The following MAPKAPK2 variants were observed in gnomAD, a reference collection of about 807,000 sequenced individuals.
MAPKAPK2 encodes MAPK activated protein kinase 2.
A neutral mutation model predicts 48.8 loss-of-function variants in MAPKAPK2; 9 were observed. The observed-to-expected ratio is 0.18, with a 90% confidence interval of 0.11 to 0.32. MAPKAPK2 has a LOEUF of 0.32. Ranked by LOEUF, MAPKAPK2 falls within the 10% of genes least tolerant of loss-of-function variation. The pLI, the probability that MAPKAPK2 is intolerant of heterozygous loss-of-function variation, is 1.00. For synonymous variants in MAPKAPK2, 202 were observed against 190.6 expected (o/e 1.06, Z -0.49); for missense variants, 331 against 498.3 (o/e 0.66, Z 3.20).
intron 1 of MAPKAPK2, among the ~76,000 whole-genome samples, chr1:206,713,777 A>G (rs549191052): frequency 6.6e-6 from 1 of 152,210 alleles, no homozygotes; most frequent in South Asian, 2.1e-4. Flanking sequence ...GAGGTGGGAG[A>G]ATTGCTTGAA....
At chr1:206,708,248 C>T (rs1673026464) in intron 1 of MAPKAPK2, among the ~76,000 whole-genome samples, 1 of 152,204 alleles carries the variant, frequency 6.6e-6, no homozygotes, top group Admixed American at 6.5e-5. Flanking sequence ...CCCTCTTCTT[C>T]CCCTTGCGCT....
At chr1:206,717,447 C>T (rs1206807827) in intron 1 of MAPKAPK2, among the ~76,000 whole-genome samples, 1 of 152,166 alleles carries the variant, frequency 6.6e-6, no homozygotes, top group Non-Finnish European at 1.5e-5. Context: ...AGTTTCCTAC[C>T]CAAGACTCCT....
At chr1:206,703,163 A>G (rs1024580042) in intron 1 of MAPKAPK2, among the ~76,000 whole-genome samples, 9 of 152,336 alleles carry the variant, frequency 5.9e-5, no homozygotes, top group Middle Eastern at 3.4e-3. Flanking sequence ...ATCAGCTCCA[A>G]TGAGAAAAGT....
chr1:206,691,482 G>GATATATAT (rs56752335), intron 1 of MAPKAPK2, among the ~76,000 whole-genome samples: 28,018 of 77,264 alleles, frequency 0.36, 6,531 homozygotes, highest in Middle Eastern at 0.62. Flanking sequence ...TGTATTTTAA[G>GATATATAT]ATATATATAT....
chr1:206,710,816 T>C (rs1673119778), intron 1 of MAPKAPK2, among the ~76,000 whole-genome samples: 1 of 152,238 alleles, frequency 6.6e-6, no homozygotes, highest in Admixed American at 6.5e-5. Flanking sequence ...TCATTCCATA[T>C]TGGATGTTAA....
chr1:206,709,473 C>G (rs781791504), intron 1 of MAPKAPK2, among the ~76,000 whole-genome samples: 1 of 152,174 alleles, frequency 6.6e-6, no homozygotes, highest in Non-Finnish European at 1.5e-5. Context: ...GAGCTAGGTA[C>G]TTGATCTGTG....
intron 1 of MAPKAPK2, among the ~76,000 whole-genome samples, chr1:206,694,125 C>T (rs2102377586): frequency 6.6e-6 from 1 of 152,366 alleles, no homozygotes; most frequent in African/African-American, 2.4e-5. Context: ...TTCTGTTCTT[C>T]AGCGTGGCGT....
chr1:206,713,535 G>C (rs1472168859), intron 1 of MAPKAPK2, among the ~76,000 whole-genome samples: 1 of 152,168 alleles, frequency 6.6e-6, no homozygotes, highest in African/African-American at 2.4e-5. Flanking sequence ...GATGTACTGG[G>C]ATGGAGTACG....
chr1:206,690,278 C>T (rs1672417234), intron 1 of MAPKAPK2, among the ~76,000 whole-genome samples: 1 of 152,220 alleles, frequency 6.6e-6, no homozygotes, highest in Non-Finnish European at 1.5e-5. Context: ...GACCCCAGCC[C>T]TGACCCCTGG....
At chr1:206,712,805 A>C (rs985914025) in intron 1 of MAPKAPK2, among the ~76,000 whole-genome samples, 13 of 151,994 alleles carry the variant, frequency 8.6e-5, no homozygotes, top group Non-Finnish European at 1.8e-4. Context: ...ATCTGTACTA[A>C]AAATATAAAA....
chr1:206,692,024 G>T (rs782603613), intron 1 of MAPKAPK2, among the ~76,000 whole-genome samples: 14 of 152,288 alleles, frequency 9.2e-5, no homozygotes, highest in Middle Eastern at 3.4e-3. Flanking sequence ...ATAGTGTAGT[G>T]GTGGTGCAAA....
chr1:206,705,701 A>G (rs1372941925), intron 1 of MAPKAPK2, among the ~76,000 whole-genome samples: 1 of 152,234 alleles, frequency 6.6e-6, no homozygotes, highest in Non-Finnish European at 1.5e-5. Flanking sequence ...TCCGTTACCC[A>G]GGGAGCTGAG....
intron 1 of MAPKAPK2, among the ~76,000 whole-genome samples, chr1:206,691,482 G>GATATATACATATAT (rs1553426252): frequency 2.6e-5 from 2 of 77,294 alleles, no homozygotes; most frequent in African/African-American, 8.9e-5. Context: ...TGTATTTTAA[G>GATATATACATATAT]ATATATATAT....
intron 1 of MAPKAPK2, among the ~76,000 whole-genome samples, chr1:206,722,087 A>G (rs1553431280): frequency 4.0e-5 from 6 of 150,730 alleles, no homozygotes; most frequent in African/African-American, 1.5e-4. Flanking sequence ...AAGGCCAGGC[A>G]CGGTGGCTCA....
At chr1:206,718,697 G>A (rs1188873134) in intron 1 of MAPKAPK2, among the ~76,000 whole-genome samples, 1 of 152,126 alleles carries the variant, frequency 6.6e-6, no homozygotes, top group African/African-American at 2.4e-5. Flanking sequence ...CCATTGTATG[G>A]ATTTGCTGTC....
intron 1 of MAPKAPK2, among the ~76,000 whole-genome samples, chr1:206,723,473 G>A (rs1443302047): frequency 6.6e-6 from 1 of 152,196 alleles, no homozygotes; most frequent in African/African-American, 2.4e-5. Flanking sequence ...AAGGCACAAA[G>A]GGGTTGGAAA....
chr1:206,731,312 G>T lies in MAPKAPK2; in HGVS notation c.892+50G>T. 2 of 1,609,696 alleles carry T rather than the reference G, an allele frequency of 1.2e-6. No individual in the cohort carries two copies. The highest frequency in any genetic ancestry group is 1.7e-6 in the Non-Finnish European group (2 of 1,177,650). On this transcript the variant is annotated intron_variant, in intron 7 of 9. Coordinates refer to ENST00000367103, the MANE Select transcript of MAPKAPK2 (RefSeq NM_032960.4). The surrounding 1 kb of genome is among the most constrained non-coding windows in gnomAD (Gnocchi z 5.9). Reference sequence around the variant, plus strand: ...AGGGGAAGAGCCCGTGTGTGTGTGTGTGTGTGTATGTGTGTACACGCAGAC... The same window carrying T: ...AGGGGAAGAGCCCGTGTGTGTGTGTTTGTGTGTATGTGTGTACACGCAGAC...
chr1:206,718,390 G>A (rs781845307), intron 1 of MAPKAPK2, among the ~76,000 whole-genome samples: 1 of 152,122 alleles, frequency 6.6e-6, no homozygotes, highest in African/African-American at 2.4e-5. Flanking sequence ...AAATTAGCCA[G>A]GCATGGTGGT....
chr1:206,706,034 T>C (rs113680797), intron 1 of MAPKAPK2, among the ~76,000 whole-genome samples: 6 of 151,954 alleles, frequency 3.9e-5, no homozygotes, highest in African/African-American at 9.7e-5. Flanking sequence ...TAAATGGGAG[T>C]GTGGGGTGGG....
Sources: allele counts gnomAD v4.1 joint callset (sites outside exome capture counted in the v4.1 genomes callset), GRCh38; gene constraint gnomAD v4.1.1; non-coding constraint Gnocchi (gnomAD v3.1); transcripts MANE v1.5; gene names NCBI Gene and HGNC (gene_info 2026-07-23, HGNC 2026-07-21).